The following ADAM23 variants were observed in gnomAD, a reference collection of about 807,000 sequenced individuals.
ADAM23 encodes disintegrin and metalloproteinase domain-containing protein 23.
A neutral mutation model predicts 120.1 loss-of-function variants in ADAM23; 33 were observed. The ratio of observed to expected loss-of-function variants is 0.27; its 90% CI spans 0.21 to 0.37. The LOEUF (loss-of-function observed/expected upper bound fraction) is 0.37, where lower values mean the gene tolerates loss of function less well. Among genes scored for constraint, ADAM23 ranks in the 10% least tolerant of loss-of-function variants. The pLI is 1.00. For missense variants in ADAM23, 862 were observed against 1,058.2 expected, an observed-to-expected ratio of 0.81 and a Z score of 2.57; for synonymous variants, 367 against 375.2, an observed-to-expected ratio of 0.98 and a Z score of 0.25.
chr2:206,443,887 C>A lies in ADAM23; in HGVS notation c.21C>A (p.Ser7Arg). The A allele has an allele frequency of 1.7e-6, 2 of 1,162,894 alleles. 1 individual carries two copies. Among genetic ancestry groups the A allele is most frequent in the South Asian group, 7.9e-5 (2 of 25,304 alleles). The allele number at this position is 1,162,894 out of a possible 1,614,324, so 72.0% of individuals were successfully genotyped here. ...GAGCCATGAAGCCGCCCGGCAGCAGCTCGCGGCAGCCGCCCCTGGCGGGCT... is the reference window on the plus strand; with the variant it reads ...GAGCCATGAAGCCGCCCGGCAGCAGATCGCGGCAGCCGCCCCTGGCGGGCT... MKPPGS[S>R]SRQPPLAGCS... Residue 7 changes from serine to arginine, a missense_variant, in exon 1 of 26, where the codon AGC becomes AGA. Physicochemically the swap from Ser to Arg is moderately radical, Grantham distance 110. Coordinates refer to ENST00000264377, the MANE Select transcript of ADAM23 (RefSeq NM_003812.4).
intron 6 of ADAM23, among the ~76,000 whole-genome samples, chr2:206,545,219 AGCTCAC>A (rs1383965826): frequency 6.6e-6 from 1 of 152,114 alleles, no homozygotes; most frequent in Admixed American, 6.5e-5. Context: ...TGGGCGTGGT[AGCTCAC>A]GCCTATAATC....
intron 24 of ADAM23, chr2:206,607,989 A>C: frequency 2.2e-6 from 1 of 452,434 alleles, no homozygotes; most frequent in South Asian, 1.6e-5. Flanking sequence ...AGTGCAAATC[A>C]TATCCAAAGC....
At chr2:206,500,037 A>T (rs1002227049) in intron 3 of ADAM23, among the ~76,000 whole-genome samples, 1 of 152,044 alleles carries the variant, frequency 6.6e-6, no homozygotes, top group Non-Finnish European at 1.5e-5. Flanking sequence ...GTTTGGAAGT[A>T]TTTTTTTATT....
At chr2:206,459,793 G>A (rs576099741) in intron 2 of ADAM23, among the ~76,000 whole-genome samples, 2 of 152,284 alleles carry the variant, frequency 1.3e-5, no homozygotes, top group African/African-American at 2.4e-5. Flanking sequence ...TCACCTTCCA[G>A]TTGCTTAGGC....
At chr2:206,527,810 G>C (rs1361571144) in intron 3 of ADAM23, among the ~76,000 whole-genome samples, 1 of 152,210 alleles carries the variant, frequency 6.6e-6, no homozygotes, top group African/African-American at 2.4e-5. Flanking sequence ...AAATGGGGAT[G>C]TGTGCTATTT....
At chr2:206,488,047 C>T (rs1696054245) in intron 3 of ADAM23, among the ~76,000 whole-genome samples, 1 of 152,180 alleles carries the variant, frequency 6.6e-6, no homozygotes, top group Non-Finnish European at 1.5e-5. Context: ...TAAAGAAATA[C>T]ATGCAGGCAG....
chr2:206,557,625 G>A, intron 10 of ADAM23, 127 bp downstream of exon 10: 1 of 846,684 alleles, frequency 1.2e-6, no homozygotes, highest in East Asian at 2.5e-5. Flanking sequence ...TCTGGCTAAG[G>A]AATTATAGGA....
intron 3 of ADAM23, among the ~76,000 whole-genome samples, chr2:206,483,241 C>G (rs770684298): frequency 2.6e-5 from 4 of 152,050 alleles, no homozygotes; most frequent in Non-Finnish European, 4.4e-5. Flanking sequence ...AGAGGTACCT[C>G]GATTGGTTGG....
intron 3 of ADAM23, among the ~76,000 whole-genome samples, chr2:206,519,638 C>T (rs574087785): frequency 2.0e-5 from 3 of 152,124 alleles, no homozygotes; most frequent in Admixed American, 6.6e-5. Context: ...GTGTTCTTAT[C>T]TACCATACTG....
At chr2:206,608,089 A>G in intron 24 of ADAM23, 1 of 353,158 alleles carries the variant, frequency 2.8e-6, no homozygotes, top group Middle Eastern at 5.1e-4. Context: ...ACATGTAAGT[A>G]GAATAAAGTT....
rs188257606 is a variant in ADAM23 at position 206,495,875 on chromosome 2, A to C, written c.509+14567A>C. On this transcript the variant is annotated intron_variant, in intron 3 of 25. Coordinates refer to ENST00000264377, the MANE Select transcript of ADAM23 (RefSeq NM_003812.4). ...CCTAGTCTCGGATTAAACAGACTTTAAACCAACAAAGATCAAAAGAGACAA... is the reference window on the plus strand; with the variant it reads ...CCTAGTCTCGGATTAAACAGACTTTCAACCAACAAAGATCAAAAGAGACAA... 1.5e-3 allele frequency among the ~76,000 whole-genome samples: 223 copies of C among 152,360 alleles called. 2 individuals are homozygous for C. The highest frequency in any genetic ancestry group is 5.1e-3 in the African/African-American group (211 of 41,584).
chr2:206,466,498 A>G (rs967830617), intron 2 of ADAM23, among the ~76,000 whole-genome samples: 3 of 152,208 alleles, frequency 2.0e-5, no homozygotes, highest in Non-Finnish European at 4.4e-5. Context: ...CTCTAGCTCT[A>G]TCAGACAGTA....
rs189570825 is a variant in ADAM23, at chr2:206,467,885, C to T, written c.433-13347C>T. Reference sequence around the variant, plus strand: ...GCCTCAACTCTTATATTCTGTGCACCGGCAGGCTTAATGCTACATGGAAGC... The same window carrying T: ...GCCTCAACTCTTATATTCTGTGCACTGGCAGGCTTAATGCTACATGGAAGC... On this transcript the variant is annotated intron_variant, in intron 2 of 25. Coordinates refer to ENST00000264377, the MANE Select transcript of ADAM23 (RefSeq NM_003812.4). Among the ~76,000 whole-genome samples, 481 of 152,226 alleles carry T rather than the reference C, an allele frequency of 3.2e-3. 1 individual carries two copies. The highest frequency in any genetic ancestry group is 6.8e-3 in the Middle Eastern group (2 of 294).
intron 13 of ADAM23, among the ~76,000 whole-genome samples, chr2:206,563,849 C>A (rs1259106482): frequency 1.3e-5 from 2 of 151,964 alleles, no homozygotes; most frequent in Non-Finnish European, 2.9e-5. Context: ...CCTGCCTCAG[C>A]CTCCCGAGTA....
intron 20 of ADAM23, 89 bp downstream of exon 20, chr2:206,588,243 A>C (rs983549232): frequency 2.2e-6 from 3 of 1,347,614 alleles, no homozygotes; most frequent in Non-Finnish European, 2.1e-6. Context: ...AGAGATGCAC[A>C]GCTTGGAGTG....
At chr2:206,498,572 AT>A (rs1696310150) in intron 3 of ADAM23, among the ~76,000 whole-genome samples, 1 of 152,214 alleles carries the variant, frequency 6.6e-6, no homozygotes, top group Admixed American at 6.5e-5. Flanking sequence ...AGGCAATACC[AT>A]TCAGGACAGA....
chr2:206,604,123 G>T lies in ADAM23; in HGVS notation c.2360-5787G>T, dbSNP rs548548297. Among the ~76,000 whole-genome samples, 30 of 152,112 alleles carry T rather than the reference G, an allele frequency of 2.0e-4. 1 individual carries two copies. In the South Asian group the frequency reaches 5.2e-3, roughly 26 times the overall value. On this transcript the variant is annotated intron_variant, in intron 24 of 25. Transcript: ENST00000264377. ...CTAACTAAAAATACAAAAATTAGCC[G>T]GGTGTGGTGGTGCGCACCTGTAGTC...
At chr2:206,609,634 A>G in intron 24 of ADAM23, 1 of 368,618 alleles carries the variant, frequency 2.7e-6, no homozygotes, top group Non-Finnish European at 4.8e-6. Flanking sequence ...TAAAGACAGC[A>G]AGTGGGGCCT....
At chr2:206,474,890 G>C (rs551801817) in intron 2 of ADAM23, among the ~76,000 whole-genome samples, 5 of 152,138 alleles carry the variant, frequency 3.3e-5, no homozygotes, top group Admixed American at 6.5e-5. Flanking sequence ...TTGCATTATT[G>C]TATTATTTAA....
Sources: gnomAD v4.1 joint callset for allele counts (sites outside exome capture counted in the v4.1 genomes callset) on GRCh38, gnomAD v4.1.1 for gene constraint, MANE v1.5 for transcripts, NCBI Gene and HGNC (gene_info 2026-07-23, HGNC 2026-07-21) for gene names.